Variants in POLE2 observed in about 807,000 individuals in gnomAD.
POLE2 encodes the protein DNA polymerase epsilon 2, accessory subunit.
POLE2 carries 56 observed loss-of-function variants against 79.4 expected under a neutral mutation model. The observed-to-expected ratio is 0.71, with a 90% CI of 0.57 to 0.88. POLE2 has a LOEUF of 0.88. Ranked by LOEUF, POLE2 falls within the 40% of genes least tolerant of loss-of-function variation. The probability of loss-of-function intolerance (pLI) is 0.00; values close to 1 mark genes in which losing one functional copy is unlikely to be tolerated. For missense variants in POLE2, 598 were observed against 638.9 expected (o/e 0.94, Z 0.69); for synonymous variants, 212 against 214.0 (o/e 0.99, Z 0.08).
intron 15 of POLE2, chr14:49,651,580 C>T (rs1021439957): frequency 4.0e-5 from 15 of 373,880 alleles, no homozygotes; most frequent in East Asian, 1.2e-4. Flanking sequence ...TAGGGATTAG[C>T]GAACAGAACC....
intron 7 of POLE2, among the ~76,000 whole-genome samples, chr14:49,665,701 T>G (rs931194737): frequency 6.6e-5 from 10 of 150,974 alleles, no homozygotes; most frequent in African/African-American, 2.4e-4. Context: ...TTTTTACTAT[T>G]ACAAAAGTTT....
intron 6 of POLE2, among the ~76,000 whole-genome samples, chr14:49,668,969 G>A (rs1885683922): frequency 6.6e-6 from 1 of 152,038 alleles, no homozygotes; most frequent in Admixed American, 6.6e-5. Context: ...CCTGGCTAAT[G>A]TTTTTTATTG....
chr14:49,644,997 G>C (rs554273148), intron 18 of POLE2, among the ~76,000 whole-genome samples: 1 of 146,538 alleles, frequency 6.8e-6, no homozygotes, highest in Non-Finnish European at 1.5e-5. Context: ...AGCCGAGACT[G>C]TGCCGCTGCA....
intron 5 of POLE2, among the ~76,000 whole-genome samples, chr14:49,671,549 G>A (rs368104410): frequency 1.8e-4 from 26 of 146,598 alleles, no homozygotes; most frequent in African/African-American, 5.1e-4. Flanking sequence ...CCCAGGAGGC[G>A]GAAGTTGCAG....
At chr14:49,654,093 G>A (rs1231399147) in intron 14 of POLE2, 26 bp from the exon 15 acceptor site, 1 of 1,583,116 alleles carries the variant, frequency 6.3e-7, no homozygotes, top group Non-Finnish European at 8.7e-7. Flanking sequence ...ATGTGATATA[G>A]TTTATCTTTT....
intron 9 of POLE2, among the ~76,000 whole-genome samples, chr14:49,664,394 T>C (rs1885326977): frequency 6.6e-6 from 1 of 152,038 alleles, no homozygotes; most frequent in Non-Finnish European, 1.5e-5. Context: ...ATTCGGTGAT[T>C]TTTAGTATAT....
At chr14:49,667,063 C>T (rs1457016395) in intron 6 of POLE2, among the ~76,000 whole-genome samples, 1 of 151,998 alleles carries the variant, frequency 6.6e-6, no homozygotes, top group African/African-American at 2.4e-5. Context: ...TGGCAGGCGC[C>T]TGTAGTCCCA....
chr14:49,654,970 A>G (rs1225603658), intron 12 of POLE2, 35 bp downstream of exon 12: 3 of 1,434,124 alleles, frequency 2.1e-6, no homozygotes, highest in East Asian at 2.6e-5. Flanking sequence ...TTATATGACT[A>G]TAGAAACACT....
intron 1 of POLE2, among the ~76,000 whole-genome samples, chr14:49,687,015 G>T (rs1887185389): frequency 6.6e-6 from 1 of 152,096 alleles, no homozygotes; most frequent in Non-Finnish European, 1.5e-5. Flanking sequence ...CAGGCGCAGT[G>T]GTTCACGCCT....
chr14:49,671,339 T>C (rs11157700), intron 5 of POLE2, among the ~76,000 whole-genome samples: 29,238 of 151,802 alleles, frequency 0.19, 3,016 homozygotes, highest in African/African-American at 0.25. Flanking sequence ...TACTACTGAG[T>C]TGGGCACAGT....
At chr14:49,655,458 AACACACACAC>A (rs35575577) in intron 11 of POLE2, among the ~76,000 whole-genome samples, 14 of 143,396 alleles carry the variant, frequency 9.8e-5, no homozygotes, top group Admixed American at 4.2e-4. Flanking sequence ...CATGACTATA[AACACACACAC>A]ACACACACAC....
chr14:49,658,655 T>C (rs1033415302), intron 10 of POLE2, among the ~76,000 whole-genome samples: 1 of 152,214 alleles, frequency 6.6e-6, no homozygotes, highest in South Asian at 2.1e-4. Context: ...AGAATGATAA[T>C]GGAACTGAAA....
At chr14:49,679,501 T>C in intron 3 of POLE2, 1 of 408,212 alleles carries the variant, frequency 2.4e-6, no homozygotes, top group Non-Finnish European at 4.4e-6. Context: ...TAGTAATGAA[T>C]GGTACAAGCA....
intron 6 of POLE2, among the ~76,000 whole-genome samples, chr14:49,668,957 C>A (rs892165503): frequency 6.6e-6 from 1 of 152,142 alleles, no homozygotes; most frequent in Non-Finnish European, 1.5e-5. Flanking sequence ...CACAACATCA[C>A]GCCTGGCTAA....
rs3218797 is a variant in POLE2 at position 49,666,315 on chromosome 14, T to G, written c.576+15A>C. On this transcript the variant is annotated intron_variant, in intron 7 of 18. Transcript: ENST00000216367. Reference sequence around the variant, plus strand: ...TCCAAGGCCAAAAATAAAAGTTTGATGCTTATTAAGTTACCTCTTTTAACT... The same window carrying G: ...TCCAAGGCCAAAAATAAAAGTTTGAGGCTTATTAAGTTACCTCTTTTAACT... 6.4e-6 allele frequency: 9 copies of G among 1,407,950 alleles called. No homozygotes were observed. In the East Asian group the frequency reaches 1.9e-4, roughly 30 times the overall value. 87.2% of individuals were successfully genotyped at this position (1,407,950 alleles called of 1,614,324 possible). A position where few individuals can be genotyped will look rare whatever the true frequency, so the allele number is the denominator to read the frequency against.
At chr14:49,664,813 G>T in intron 8 of POLE2, 139 bp from the exon 9 acceptor site, 1 of 637,766 alleles carries the variant, frequency 1.6e-6, no homozygotes, top group Non-Finnish European at 2.8e-6. Flanking sequence ...AGCTTAGAAA[G>T]AGCTTAAAAA....
Position 49,654,789 on chromosome 14 carries a change from G to C in POLE2, c.1068C>G (p.His356Gln), listed in dbSNP as rs139001771. ...ADIICEYPDIHQSSRFVFVPG... is the reference protein window; with the variant it reads ...ADIICEYPDIQQSSRFVFVPG... ...ATAGTGCTAGAGATCATTACCTTTG[G>C]TGAATATCTGGGTATTCACATATTA... Residue 356 changes from histidine to glutamine, a missense_variant, in exon 13 of 19, where the codon CAC (histidine) becomes CAG (glutamine). Coordinates refer to ENST00000216367, the MANE Select transcript of POLE2 (RefSeq NM_002692.4). 1,168 of 1,478,326 alleles carry C rather than the reference G, an allele frequency of 7.9e-4. 13 individuals carry two copies. In the East Asian group the frequency reaches 0.016, roughly 20 times the overall value. The allele number at this position is 1,478,326 out of a possible 1,614,324, so 91.6% of individuals were successfully genotyped here. A position where few individuals can be genotyped will look rare whatever the true frequency, so the allele number is the denominator to read the frequency against.
chr14:49,654,515 A>C (rs1049811655), intron 13 of POLE2: 5 of 453,130 alleles, frequency 1.1e-5, no homozygotes, highest in Non-Finnish European at 1.5e-5. Context: ...GCCAGTGACT[A>C]TCATATCGGA....
chr14:49,686,646 C>T (rs1887159091), intron 1 of POLE2, among the ~76,000 whole-genome samples: 1 of 152,098 alleles, frequency 6.6e-6, no homozygotes, highest in Non-Finnish European at 1.5e-5. Flanking sequence ...CATTATCTGC[C>T]CCCTACAAAG....
Sources: gnomAD v4.1 joint callset for allele counts (sites outside exome capture counted in the v4.1 genomes callset) on GRCh38, gnomAD v4.1.1 for gene constraint, MANE v1.5 for transcripts, NCBI Gene and HGNC (gene_info 2026-07-23, HGNC 2026-07-21) for gene names.